Variants in AP3B1 observed in about 807,000 individuals in gnomAD.
AP3B1 encodes adaptor related protein complex 3 subunit beta 1.
In AP3B1, 61 loss-of-function variants were observed where a neutral mutation model predicts 132.5. That is an observed-to-expected ratio of 0.46 (90% confidence interval 0.37 to 0.57). The LOEUF is 0.57. Ranked by LOEUF, AP3B1 falls within the 20% of genes least tolerant of loss-of-function variation. AP3B1 has a pLI of 0.00. For synonymous variants in AP3B1, 388 were observed against 438.3 expected (o/e 0.89, Z 1.43); for missense variants, 1,120 against 1,289.4 (o/e 0.87, Z 2.01).
chr5:78,184,430 G>A (rs907970052), intron 7 of AP3B1, among the ~76,000 whole-genome samples: 2 of 152,048 alleles, frequency 1.3e-5, no homozygotes, highest in African/African-American at 4.8e-5. Context: ...GCTCATGCCT[G>A]TAATCCCAGC....
chr5:78,050,481 A>G (rs1198381417), intron 22 of AP3B1, among the ~76,000 whole-genome samples: 1 of 152,172 alleles, frequency 6.6e-6, no homozygotes, highest in African/African-American at 2.4e-5. Flanking sequence ...GCTCAATTAT[A>G]ACAGTGTCCT....
intron 7 of AP3B1, among the ~76,000 whole-genome samples, chr5:78,206,965 T>A (rs58741342): frequency 6.6e-6 from 1 of 151,472 alleles, no homozygotes; most frequent in Non-Finnish European, 1.5e-5. Context: ...TTATAAAAAA[T>A]ACAAAAATTA....
intron 2 of AP3B1, among the ~76,000 whole-genome samples, chr5:78,252,640 G>A (rs1315024381): frequency 6.6e-6 from 1 of 152,170 alleles, no homozygotes. Context: ...TCTGCCTTCA[G>A]AAAGGGGAGG....
chr5:78,001,731 T>C (rs1243106561), downstream of AP3B1: 1 of 152,228 alleles, frequency 6.6e-6, no homozygotes, highest in Non-Finnish European at 1.5e-5. Flanking sequence ...TTTTTAAAAA[T>C]CATTATGTAT....
At chr5:78,246,723 C>T (rs1000749572) in intron 2 of AP3B1, among the ~76,000 whole-genome samples, 4 of 152,126 alleles carry the variant, frequency 2.6e-5, no homozygotes, top group Non-Finnish European at 2.9e-5. Context: ...TTCTTGGTCA[C>T]TCTGTCTACA....
chr5:78,222,590 G>A (rs1284730938), intron 6 of AP3B1: 1 of 151,950 alleles, frequency 6.6e-6, no homozygotes, highest in Admixed American at 6.6e-5. Context: ...GTTACTACTT[G>A]GTGTACTGAT....
intron 26 of AP3B1, among the ~76,000 whole-genome samples, chr5:78,013,311 C>T (rs1235337131): frequency 3.3e-5 from 5 of 152,158 alleles, no homozygotes; most frequent in African/African-American, 1.2e-4. Flanking sequence ...TCCCAAAGTA[C>T]TGGGATGACA....
chr5:78,004,704 T>C (rs1746319659), intron 26 of AP3B1, among the ~76,000 whole-genome samples: 1 of 152,232 alleles, frequency 6.6e-6, no homozygotes, highest in Non-Finnish European at 1.5e-5. Context: ...CAACAAAATA[T>C]GTTAGAAAAT....
intron 7 of AP3B1, among the ~76,000 whole-genome samples, chr5:78,212,847 ACT>A (rs1745799909): frequency 6.6e-6 from 1 of 151,638 alleles, no homozygotes; most frequent in Non-Finnish European, 1.5e-5. Flanking sequence ...CTATGGTCAA[ACT>A]CTGCTTTGAG....
chr5:78,118,494 CG>C (rs1181145509), intron 17 of AP3B1, among the ~76,000 whole-genome samples: 11 of 152,202 alleles, frequency 7.2e-5, no homozygotes, highest in African/African-American at 2.7e-4. Context: ...GCTTTTCCAA[CG>C]GGCTTCAAAA....
chr5:78,290,883 G>A (rs1209981356), intron 1 of AP3B1, among the ~76,000 whole-genome samples: 1 of 152,170 alleles, frequency 6.6e-6, no homozygotes, highest in Non-Finnish European at 1.5e-5. Flanking sequence ...CCAGATGGTT[G>A]AGGCTGCAGT....
intron 26 of AP3B1, among the ~76,000 whole-genome samples, chr5:78,010,968 A>G (rs1384768470): frequency 6.6e-6 from 1 of 151,930 alleles, no homozygotes; most frequent in Non-Finnish European, 1.5e-5. Context: ...CATTTTTGTA[A>G]TACTCCTTAT....
At chr5:78,028,320 C>T (rs1747426629) in intron 24 of AP3B1, among the ~76,000 whole-genome samples, 1 of 151,268 alleles carries the variant, frequency 6.6e-6, no homozygotes, top group African/African-American at 2.4e-5. Flanking sequence ...ATTAGTCGGG[C>T]ATGGTGGTGC....
intron 1 of AP3B1, among the ~76,000 whole-genome samples, chr5:78,293,036 G>A (rs1459312393): frequency 6.6e-6 from 1 of 151,914 alleles, no homozygotes; most frequent in Non-Finnish European, 1.5e-5. Context: ...GAGCCACCAC[G>A]CCCGGCTAAT....
At chr5:78,213,424 T>C (rs1347129862) in intron 7 of AP3B1, among the ~76,000 whole-genome samples, 1 of 152,190 alleles carries the variant, frequency 6.6e-6, no homozygotes, top group African/African-American at 2.4e-5. Context: ...ATAAAATATA[T>C]TTATAACAAG....
At chr5:78,038,099 G>C (rs1223151819) in intron 23 of AP3B1, among the ~76,000 whole-genome samples, 1 of 152,182 alleles carries the variant, frequency 6.6e-6, no homozygotes, top group Admixed American at 6.5e-5. Context: ...GCCAAAGCTG[G>C]GGGCAGCCGC....
chr5:78,186,693 A>G (rs1477916076), intron 7 of AP3B1, among the ~76,000 whole-genome samples: 1 of 152,222 alleles, frequency 6.6e-6, no homozygotes, highest in East Asian at 1.9e-4. Flanking sequence ...CTAAGGAGAT[A>G]AAAATCAGTA....
intron 24 of AP3B1, among the ~76,000 whole-genome samples, chr5:78,033,272 T>C (rs73132871): frequency 0.042 from 6,434 of 152,084 alleles, 477 homozygotes; most frequent in African/African-American, 0.15. Flanking sequence ...AAACAATTAC[T>C]AGGCAATGTT....
At chr5:78,229,205 G>A (rs1746526269) in intron 3 of AP3B1, among the ~76,000 whole-genome samples, 1 of 152,076 alleles carries the variant, frequency 6.6e-6, no homozygotes, top group Non-Finnish European at 1.5e-5. Flanking sequence ...CAAAGCACAG[G>A]GGTTACAGGC....
Sources: allele counts gnomAD v4.1 joint callset (sites outside exome capture counted in the v4.1 genomes callset), GRCh38; gene constraint gnomAD v4.1.1; transcripts MANE v1.5; gene names NCBI Gene and HGNC (gene_info 2026-07-23, HGNC 2026-07-21).